PDE4C: variants seen among roughly 807,000 people sequenced by gnomAD.
PDE4C encodes phosphodiesterase 4C.
In PDE4C, 50 loss-of-function variants were observed where a neutral mutation model predicts 63.9. The observed-to-expected ratio is 0.78, with a 90% CI of 0.62 to 0.99. The LOEUF (loss-of-function observed/expected upper bound fraction) is 0.99, where lower values mean the gene tolerates loss of function less well. Among genes scored for constraint, PDE4C ranks in the 50% least tolerant of loss-of-function variants. The pLI is 0.00. For missense variants in PDE4C, 777 were observed against 899.1 expected (o/e 0.86, Z 1.74); for synonymous variants, 377 against 385.1 (o/e 0.98, Z 0.25).
exon 12 of PDE4C, chr19:18,216,843 G>A (rs200627085): frequency 6.2e-7 from 1 of 1,614,052 alleles, no homozygotes; most frequent in Non-Finnish European, 8.5e-7. Context: ...CCACAGCCAG[G>A]TGATGGTTCT....
At chr19:18,252,851 C>T (rs775554880), upstream of PDE4C, among the ~76,000 whole-genome samples, 8 of 152,234 alleles carry the variant, frequency 5.3e-5, no homozygotes, top group African/African-American at 7.2e-5. Context: ...AGATGATCCA[C>T]CTGCCTTGGC....
exon 10 of PDE4C, chr19:18,218,341 G>A: frequency 6.2e-7 from 1 of 1,614,216 alleles, no homozygotes; most frequent in Non-Finnish European, 8.5e-7. Context: ...TACCTCGAGG[G>A]CGGGCGTAGC....
In PDE4C at chr19:18,220,330, G is replaced by A. The variant is rs375754626; in HGVS notation, c.613-11C>T. The A allele has an allele frequency of 9.2e-5, 149 of 1,613,930 alleles. No homozygotes were observed. The highest frequency in any genetic ancestry group is 1.2e-4 in the Non-Finnish European group (147 of 1,179,918). On this transcript the variant is annotated splice_polypyrimidine_tract_variant and intron_variant, in intron 6 of 14. Transcript: ENST00000262805. This position sits in a 1 kb window ranked among gnomAD's most constrained non-coding sequence, Gnocchi z 5.1. ...CAGGATCCGCTTGAACTGGGGCGGA[G>A]AGAAGGTGAAGACCGTGATGATGGG... is the stretch of plus-strand genomic sequence containing the variant.
At chr19:18,213,730 G>A (rs896101364) in intron 12 of PDE4C, among the ~76,000 whole-genome samples, 3 of 152,262 alleles carry the variant, frequency 2.0e-5, no homozygotes, top group Non-Finnish European at 4.4e-5. Context: ...GTGACAGGGT[G>A]TAGTGGGGAG....
At chr19:18,233,350 TG>T in exon 1 of PDE4C, 1 of 1,000,370 alleles carries the variant, frequency 1.0e-6, no homozygotes, top group Non-Finnish European at 1.5e-6. Context: ...AAGGTGGAAC[TG>T]GGGCTCAAGG....
chr19:18,210,730 G>A, exon 15 of PDE4C: 1 of 841,616 alleles, frequency 1.2e-6, no homozygotes, highest in South Asian at 2.5e-5. Flanking sequence ...TTTTAGGCAA[G>A]TCTAGGGTCA....
chr19:18,226,989 G>A (rs1164613010), upstream of PDE4C, among the ~76,000 whole-genome samples: 1 of 152,070 alleles, frequency 6.6e-6, no homozygotes, highest in Non-Finnish European at 1.5e-5. Flanking sequence ...CCTGGTTAGT[G>A]CAGCTTGCTG....
At chr19:18,233,494 G>A (rs1196973957) in exon 1 of PDE4C, 3 of 645,566 alleles carry the variant, frequency 4.6e-6, no homozygotes, top group East Asian at 3.1e-5. Context: ...CCCGAAAACC[G>A]TCTGCCGTCC....
chr19:18,216,652 C>A lies in PDE4C; in HGVS notation c.1389+89G>T, dbSNP rs1600067613. On this transcript the variant is annotated intron_variant, in intron 12 of 14. Transcript: ENST00000262805. The stretch of plus-strand genomic sequence containing the variant: ...GGGTCTGGATGAACCGCCGGCCATG[C>A]CAATATCACCCCACCCTGCTGTCTG... 3.0e-6 allele frequency: 4 copies of A among 1,330,306 alleles called. No homozygotes were observed. In the East Asian group the frequency reaches 9.7e-5, roughly 32 times the overall value. The allele number at this position is 1,330,306 out of a possible 1,614,324, so 82.4% of individuals were successfully genotyped here.
At chr19:18,234,981 T>C (rs1012208811), upstream of PDE4C, among the ~76,000 whole-genome samples, 6 of 152,184 alleles carry the variant, frequency 3.9e-5, no homozygotes, top group Non-Finnish European at 5.9e-5. Flanking sequence ...GCTGGCTCTG[T>C]CACTTCCCCT....
chr19:18,221,119 G>A, exon 4 of PDE4C: 1 of 1,507,670 alleles, frequency 6.6e-7, no homozygotes, highest in Non-Finnish European at 9.0e-7. Context: ...CTGCTCCTAG[G>A]CATTGCTGGC....
At chr19:18,240,471 T>C (rs1404511108) in intron 1 of PDE4C, among the ~76,000 whole-genome samples, 1 of 147,558 alleles carries the variant, frequency 6.8e-6, no homozygotes, top group East Asian at 2.0e-4. Context: ...CTCATGCCTA[T>C]AATCCCAGCA....
chr19:18,230,071 C>A (rs752355630), upstream of PDE4C, among the ~76,000 whole-genome samples: 2 of 152,044 alleles, frequency 1.3e-5, no homozygotes, highest in Non-Finnish European at 2.9e-5. Context: ...CAGGTAAATG[C>A]CTCAGAGCAC....
chr19:18,222,486 A>C (rs1176420886), intron 1 of PDE4C, among the ~76,000 whole-genome samples, 163 bp from the exon 2 acceptor site: 1 of 151,396 alleles, frequency 6.6e-6, no homozygotes, highest in Non-Finnish European at 1.5e-5. Flanking sequence ...GGAACCCTGC[A>C]CCCCTCACAC....
chr19:18,253,589 C>T, the PDE4C span, among the ~76,000 whole-genome samples: 2 of 150,442 alleles, frequency 1.3e-5, no homozygotes, highest in African/African-American at 4.9e-5. Context: ...AGAATAGAAA[C>T]ACAGTGGGTG....
chr19:18,222,095 G>C, intron 2 of PDE4C, 37 bp downstream of exon 2: 2 of 1,547,230 alleles, frequency 1.3e-6, no homozygotes, highest in Non-Finnish European at 1.8e-6. Flanking sequence ...AAGGAGGGAG[G>C]GTAGAGGCGG....
intron 1 of PDE4C, among the ~76,000 whole-genome samples, chr19:18,242,116 T>A (rs1176224313): frequency 6.6e-6 from 1 of 151,990 alleles, no homozygotes; most frequent in African/African-American, 2.4e-5. Flanking sequence ...GGGAACAGCA[T>A]ACCAGGCAGA....
At chr19:18,242,940 G>C (rs1969069319) in intron 1 of PDE4C, among the ~76,000 whole-genome samples, 1 of 152,138 alleles carries the variant, frequency 6.6e-6, no homozygotes. Flanking sequence ...GAAGCCTGCT[G>C]TGGCCAATTT....
intron 1 of PDE4C, 32 bp from the exon 2 acceptor site, chr19:18,222,355 G>C: frequency 6.3e-7 from 1 of 1,585,212 alleles, no homozygotes; most frequent in East Asian, 2.3e-5. Flanking sequence ...TCAGAGACGA[G>C]GGTCATGACA....
Sources: allele counts gnomAD v4.1 joint callset (sites outside exome capture counted in the v4.1 genomes callset), GRCh38; gene constraint gnomAD v4.1.1; non-coding constraint Gnocchi (gnomAD v3.1); transcripts MANE v1.5; gene names NCBI Gene and HGNC (gene_info 2026-07-23, HGNC 2026-07-21).